The following DACH1 variants were observed in gnomAD, a reference collection of about 807,000 sequenced individuals.
The protein encoded by DACH1 is dachshund homolog 1.
In DACH1, 12 loss-of-function variants were observed where a neutral mutation model predicts 54.2. The observed-to-expected ratio is 0.22, with a 90% CI of 0.14 to 0.36. The LOEUF (loss-of-function observed/expected upper bound fraction) is 0.36. Ranked by LOEUF, DACH1 falls within the 10% of genes least tolerant of loss-of-function variation. DACH1 has a pLI of 1.00. For synonymous variants in DACH1, 386 were observed against 366.2 expected (o/e 1.05, Z -0.62); for missense variants, 805 against 929.8 (o/e 0.87, Z 1.75).
intron 1 of DACH1, among the ~76,000 whole-genome samples, chr13:71,832,169 G>A (rs532143155): frequency 6.6e-6 from 1 of 152,012 alleles, no homozygotes; most frequent in Non-Finnish European, 1.5e-5. Flanking sequence ...AGATTTTCTC[G>A]TTAGTCTAAA....
intron 10 of DACH1, among the ~76,000 whole-genome samples, chr13:71,452,978 T>C (rs1388542252): frequency 6.6e-6 from 1 of 152,242 alleles, no homozygotes; most frequent in Non-Finnish European, 1.5e-5. Flanking sequence ...GCTTTGCTTT[T>C]ATAAATAAAG....
intron 2 of DACH1, among the ~76,000 whole-genome samples, chr13:71,640,597 C>T (rs1385999551): frequency 6.6e-6 from 1 of 152,000 alleles, no homozygotes; most frequent in African/African-American, 2.4e-5. Flanking sequence ...CTCATTATAT[C>T]TTTTTCAATT....
chr13:71,573,112 A>G (rs1358922380), intron 3 of DACH1, 100 bp from the exon 4 acceptor site: 4 of 1,237,846 alleles, frequency 3.2e-6, no homozygotes, highest in Middle Eastern at 2.6e-4. Flanking sequence ...CAAAGAAACA[A>G]TATTTTTCCT....
chr13:71,704,658 G>T, intron 1 of DACH1: 1 of 328,804 alleles, frequency 3.0e-6, no homozygotes, highest in Admixed American at 3.7e-5. Context: ...TGGCTTAAAA[G>T]GTATTTAAAA....
At chr13:71,450,979 T>C (rs936815904) in intron 10 of DACH1, among the ~76,000 whole-genome samples, 3 of 152,082 alleles carry the variant, frequency 2.0e-5, no homozygotes, top group Non-Finnish European at 4.4e-5. Flanking sequence ...TCAAATCTGT[T>C]CAAGAACTGA....
chr13:71,816,044 C>T (rs1027068162), intron 1 of DACH1, among the ~76,000 whole-genome samples: 9 of 151,822 alleles, frequency 5.9e-5, no homozygotes, highest in African/African-American at 2.2e-4. Context: ...GAGATCGCGC[C>T]ACTGCACTCC....
chr13:71,574,959 C>T (rs186531943), intron 3 of DACH1, among the ~76,000 whole-genome samples: 99 of 152,050 alleles, frequency 6.5e-4, no homozygotes, highest in African/African-American at 1.9e-3. Context: ...TAGTCAAACA[C>T]GCAAGCACTA....
intron 1 of DACH1, among the ~76,000 whole-genome samples, chr13:71,690,412 C>G (rs1168403842): frequency 6.6e-6 from 1 of 151,998 alleles, no homozygotes; most frequent in Non-Finnish European, 1.5e-5. Context: ...CCTTTCTTCC[C>G]GTAAGTCTTC....
chr13:71,806,374 T>A (rs1215156564), intron 1 of DACH1, among the ~76,000 whole-genome samples: 3 of 152,204 alleles, frequency 2.0e-5, no homozygotes, highest in African/African-American at 7.2e-5. Context: ...ATATGTGGCA[T>A]TAATGTTATA....
At chr13:71,557,254 A>G in intron 5 of DACH1, 96 bp from the exon 6 acceptor site, 2 of 978,614 alleles carry the variant, frequency 2.0e-6, no homozygotes, top group Non-Finnish European at 2.8e-6. Context: ...TGGACTCAAC[A>G]GTAACTATAA....
At chr13:71,697,084 G>T (rs529724978) in intron 1 of DACH1, among the ~76,000 whole-genome samples, 3 of 152,074 alleles carry the variant, frequency 2.0e-5, no homozygotes, top group Non-Finnish European at 4.4e-5. Context: ...TTTATCTTCA[G>T]TGTTGTTCAG....
chr13:71,711,242 A>G (rs986245506), intron 1 of DACH1, among the ~76,000 whole-genome samples: 52 of 152,310 alleles, frequency 3.4e-4, no homozygotes, highest in African/African-American at 1.2e-3. Context: ...AAGTATCAAC[A>G]CTTAAACTGC....
intron 1 of DACH1, among the ~76,000 whole-genome samples, chr13:71,755,680 T>A (rs1319384797): frequency 1.3e-5 from 2 of 152,110 alleles, no homozygotes; most frequent in Non-Finnish European, 2.9e-5. Context: ...TTCACATAGA[T>A]CTTTAAGAAC....
At chr13:71,742,031 A>G (rs1884409733) in intron 1 of DACH1, among the ~76,000 whole-genome samples, 1 of 152,164 alleles carries the variant, frequency 6.6e-6, no homozygotes. Flanking sequence ...TAATTGAATC[A>G]TGGGGGCCAG....
intron 6 of DACH1, among the ~76,000 whole-genome samples, chr13:71,535,038 ATAACT>A (rs1882668087): frequency 6.6e-6 from 1 of 150,464 alleles, no homozygotes. Context: ...TCCCAGAATA[ATAACT>A]TAACAAATCA....
chr13:71,691,638 T>A (rs1881481528), intron 1 of DACH1, among the ~76,000 whole-genome samples: 2 of 152,188 alleles, frequency 1.3e-5, no homozygotes, highest in African/African-American at 4.8e-5. Context: ...ACCATGGCAA[T>A]CTGGCTTCAG....
chr13:71,817,604 G>A (rs1397032637), intron 1 of DACH1, among the ~76,000 whole-genome samples: 2 of 152,108 alleles, frequency 1.3e-5, no homozygotes, highest in African/African-American at 2.4e-5. Context: ...CATGCTATCA[G>A]TGTAAATGAC....
At chr13:71,756,372 C>A (rs9572778) in intron 1 of DACH1, among the ~76,000 whole-genome samples, 2 of 151,912 alleles carry the variant, frequency 1.3e-5, no homozygotes, top group South Asian at 4.2e-4. Flanking sequence ...ACTTAGACCC[C>A]ATCTACCAGG....
At chr13:71,734,944 CACACACACAGGATATATATATATAT>C (rs1262584904) in intron 1 of DACH1, among the ~76,000 whole-genome samples, 4 of 148,092 alleles carry the variant, frequency 2.7e-5, no homozygotes, top group East Asian at 2.0e-4. Context: ...TATATAAACA[CACACACACAGGATATATATATATAT>C]ACACACACAG....
Sources: allele counts gnomAD v4.1 joint callset (sites outside exome capture counted in the v4.1 genomes callset), GRCh38; gene constraint gnomAD v4.1.1; transcripts MANE v1.5; gene names NCBI Gene and HGNC (gene_info 2026-07-23, HGNC 2026-07-21).